The following ATP4A variants were observed in gnomAD, a reference collection of about 807,000 sequenced individuals.
ATP4A encodes ATPase H+/K+ transporting subunit alpha, also known as potassium-transporting ATPase alpha chain 1.
A neutral mutation model predicts 112.1 loss-of-function variants in ATP4A; 73 were observed. The observed-to-expected ratio is 0.65, with a 90% CI of 0.54 to 0.79. The LOEUF (loss-of-function observed/expected upper bound fraction) is 0.79, where lower values mean the gene tolerates loss of function less well. Ranked by LOEUF, ATP4A falls within the 30% of genes least tolerant of loss-of-function variation. ATP4A has a pLI of 0.00. For synonymous variants in ATP4A, 588 were observed against 588.9 expected, an observed-to-expected ratio of 1.00 and a Z score of 0.02; for missense variants, 1,081 against 1,425.9, an observed-to-expected ratio of 0.76 and a Z score of 3.90.
Position 35,558,655 on chromosome 19 carries a change from C to T in ATP4A, c.1287G>A (p.Trp429Ter). The change falls in exon 9 of 22, where the codon TGG (tryptophan) becomes TGA (stop). Residue 429 changes from tryptophan to a stop codon, truncating the protein, a stop_gained. Transcript: ENST00000262623. LOFTEE classifies it high-confidence loss of function. The surrounding 1 kb of genome is among the most constrained non-coding windows in gnomAD (Gnocchi z 5.1). ...GQTFDQSSET[W>*]RALCRVLTLC... ...GGGTGAGCACCCGGCACAGCGCCCG[C>T]CACGTCTCCGAGGACTGGTCAAACG... The T allele has an allele frequency of 6.2e-7, 1 of 1,602,496 alleles. No homozygotes were observed.
At position 35,560,743 on chromosome 19, in the gene ATP4A, G is replaced by T; in HGVS notation, c.534+76C>A. 1 of 1,578,474 alleles carries T rather than the reference G, an allele frequency of 6.3e-7. No individual in the cohort carries two copies. Among genetic ancestry groups the T allele is most frequent in the Non-Finnish European group, 8.7e-7 (1 of 1,148,126 alleles). On this transcript the variant is annotated intron_variant, in intron 5 of 21. Coordinates refer to ENST00000262623, the MANE Select transcript of ATP4A (RefSeq NM_000704.3). The surrounding 1 kb of genome is among the most constrained non-coding windows in gnomAD (Gnocchi z 5.1). ...GATGGAGGCCACAGATGAGGGACAG[G>T]GGCCTGATGGAAGGAGGCTACAGGA...
At position 35,562,705 on chromosome 19, in the gene ATP4A, C is replaced by T. The variant is rs950881262; in HGVS notation, c.217-67G>A. 2.7e-5 allele frequency: 40 copies of T among 1,459,924 alleles called. No homozygotes were observed. In the South Asian group the frequency reaches 4.8e-4, roughly 17 times the overall value. The allele number at this position is 1,459,924 out of a possible 1,614,324, so 90.4% of individuals were successfully genotyped here. A position where few individuals can be genotyped will look rare whatever the true frequency, so the allele number is the denominator to read the frequency against. ...CTCCACATGCACACCCCGTGGAAAGCCCCCTGCTTCAGTTTCCCTTCTCCA... is the reference window on the plus strand; with the variant it reads ...CTCCACATGCACACCCCGTGGAAAGTCCCCTGCTTCAGTTTCCCTTCTCCA... On this transcript the variant is annotated intron_variant, in intron 3 of 21. Transcript: ENST00000262623.
At position 35,550,771 on chromosome 19, in the gene ATP4A, G is replaced by T; in HGVS notation, c.3079+63C>A. ...TAGAGGCCAAGTGTTGAGGATCAAAGGTGGGTGCAGCTGCTCAAACGTTTC... is the reference window on the plus strand; with the variant it reads ...TAGAGGCCAAGTGTTGAGGATCAAATGTGGGTGCAGCTGCTCAAACGTTTC... On this transcript the variant is annotated intron_variant, in intron 21 of 21. Coordinates refer to ENST00000262623, the MANE Select transcript of ATP4A (RefSeq NM_000704.3). This position sits in a 1 kb window ranked among gnomAD's most constrained non-coding sequence, Gnocchi z 4.1. The T allele has an allele frequency of 6.2e-7, 1 of 1,608,996 alleles. No homozygotes were observed. The highest frequency in any genetic ancestry group is 8.5e-7 in the Non-Finnish European group (1 of 1,175,460).
In ATP4A at chr19:35,557,685, T is replaced by A. The variant is rs2071639061; in HGVS notation, c.1663A>T (p.Ser555Cys). 1.2e-6 allele frequency: 2 copies of A among 1,609,552 alleles called. No homozygotes were observed. Among genetic ancestry groups the A allele is most frequent in the South Asian group, 2.2e-5 (2 of 90,348 alleles). The part of the protein sequence containing the change: ...WREAFQTAYL[S>C]LGGLGERVLG... ...ACGCGTTCGCCCAGGCCTCCCAGGC[T>A]GAGGTAGGCGGTCTGGAAGGCCTCG... Residue 555 changes from serine (S) to cysteine (C), a missense_variant, in exon 11 of 22, where the codon AGC (serine) becomes TGC (cysteine). Around this residue, in one of 3 missense-constraint regions of ATP4A, gnomAD observed 850 missense variants for 1,068.2 expected, o/e 0.80. Transcript: ENST00000262623. This position sits in a 1 kb window ranked among gnomAD's most constrained non-coding sequence, Gnocchi z 4.4.
At chr19:35,556,489 A>G (rs2071632219) in intron 12 of ATP4A, among the ~76,000 whole-genome samples, 1 of 152,172 alleles carries the variant, frequency 6.6e-6, no homozygotes, top group African/African-American at 2.4e-5. Context: ...GTAAGCCCAG[A>G]CCTGGCCAAT....
In ATP4A at chr19:35,555,490, G is replaced by T. The variant is rs776225963; in HGVS notation, c.2107C>A (p.Arg703Ser). Residue 703 changes from arginine (R) to serine (S), a missense_variant, in exon 14 of 22, where the codon CGC becomes AGC. Arg to Ser is a moderately radical substitution (Grantham distance 110, BLOSUM62 -1). This residue lies in a region of ATP4A where 850 missense variants were observed against 1,068.2 expected (regional missense o/e 0.80). Coordinates refer to ENST00000262623, the MANE Select transcript of ATP4A (RefSeq NM_000704.3). The surrounding 1 kb of genome is among the most constrained non-coding windows in gnomAD (Gnocchi z 6.6). ...ACCAGCTTCTGCTGGGGGCTGGTGC[G>T]CGCAAACACCATCTCGGGGTGGGTG... ...LRTHPEMVFA[R>S]TSPQQKLVIV... 6.2e-7 allele frequency: 1 copy of T among 1,610,078 alleles called. No individual in the cohort carries two copies.
At chr19:35,561,847 CTT>C (rs71167554) in intron 4 of ATP4A, among the ~76,000 whole-genome samples, 2,477 of 103,698 alleles carry the variant, frequency 0.024, 99 homozygotes, top group East Asian at 0.079. Context: ...AGTCCCATCT[CTT>C]TTTTTTTTTT....
intron 18 of ATP4A, 128 bp downstream of exon 18, chr19:35,552,909 G>T (rs1016916473): frequency 1.6e-5 from 20 of 1,238,246 alleles, no homozygotes; most frequent in Middle Eastern, 2.9e-4. Flanking sequence ...AACTGGCAGG[G>T]AGTCTGGGGG....
Position 35,555,145 on chromosome 19 carries a change from T to A in ATP4A, c.2326+21A>T. On this transcript the variant is annotated intron_variant, in intron 15 of 21. Transcript: ENST00000262623. The surrounding 1 kb of genome is among the most constrained non-coding windows in gnomAD (Gnocchi z 6.6). The stretch of plus-strand genomic sequence containing the variant: ...CCTCCTGTGCCCACACTGCCTGCCC[T>A]CCCCCTGGCGTGGCTCGGACCCTGC... The A allele has an allele frequency of 6.2e-7, 1 of 1,613,838 alleles. No individual in the cohort carries two copies. Among genetic ancestry groups the A allele is most frequent in the Non-Finnish European group, 8.5e-7 (1 of 1,179,912 alleles).
At chr19:35,561,582 C>T (rs965764837) in intron 4 of ATP4A, among the ~76,000 whole-genome samples, 3 of 152,088 alleles carry the variant, frequency 2.0e-5, no homozygotes, top group Non-Finnish European at 4.4e-5. Context: ...ACTTTTCGAG[C>T]CTCTGTCCCA....
Position 35,555,675 on chromosome 19 carries a change from C to T in ATP4A, c.2006+1G>A, listed in dbSNP as rs2071627534. 6.3e-7 allele frequency: 1 copy of T among 1,598,592 alleles called. No individual in the cohort carries two copies. The highest frequency in any genetic ancestry group is 1.1e-5 in the South Asian group (1 of 90,582). On this transcript the variant is annotated splice_donor_variant, in intron 13 of 21. Coordinates refer to ENST00000262623, the MANE Select transcript of ATP4A (RefSeq NM_000704.3). LOFTEE classifies it high-confidence loss of function. The surrounding 1 kb of genome is among the most constrained non-coding windows in gnomAD (Gnocchi z 6.6). ...CCCCGGGGAGGTCTGGGGGGGCTTACTTGCGATTAACCTGGTCTACGGGCA... is the reference window on the plus strand; with the variant it reads ...CCCCGGGGAGGTCTGGGGGGGCTTATTTGCGATTAACCTGGTCTACGGGCA...
chr19:35,562,372 A>G, intron 4 of ATP4A, 63 bp downstream of exon 4: 2 of 1,556,516 alleles, frequency 1.3e-6, no homozygotes, highest in Admixed American at 1.8e-5. Flanking sequence ...CCCAAGTCCC[A>G]GGCTCAGTGT....
rs888118135 is a variant in ATP4A, at chr19:35,557,303, G to C, written c.1694-215C>G. 6.6e-6 allele frequency among the ~76,000 whole-genome samples: 1 copy of C among 152,182 alleles called. No individual in the cohort carries two copies. The highest frequency in any genetic ancestry group is 1.5e-5 in the Non-Finnish European group (1 of 68,028). ...AGATGAGGAAACTGAGGCTCAGAGA[G>C]GGGACATTTCTTGCCAGAGGTCACA... On this transcript the variant is annotated intron_variant, in intron 11 of 21. Coordinates refer to ENST00000262623, the MANE Select transcript of ATP4A (RefSeq NM_000704.3). This position sits in a 1 kb window ranked among gnomAD's most constrained non-coding sequence, Gnocchi z 4.4.
chr19:35,555,101 GCCT>G lies in ATP4A; in HGVS notation c.2327-28_2327-26del. On this transcript the variant is annotated intron_variant, in intron 15 of 21. Transcript: ENST00000262623. This position sits in a 1 kb window ranked among gnomAD's most constrained non-coding sequence, Gnocchi z 6.6. ...CCTGTGGGGTAGGGTGGGCACCTCA[GCCT>G]CCTCACAGCCCTCTCCCTCCTGTGC... The G allele has an allele frequency of 6.2e-7, 1 of 1,613,096 alleles. No individual in the cohort carries two copies. The highest frequency in any genetic ancestry group is 8.5e-7 in the Non-Finnish European group (1 of 1,179,334).
intron 17 of ATP4A, 44 bp downstream of exon 17, chr19:35,553,662 G>T (rs201774608): frequency 2.5e-6 from 4 of 1,606,262 alleles, no homozygotes; most frequent in African/African-American, 2.7e-5. Flanking sequence ...GCAGCCCAGC[G>T]CAGAGCCCCC....
chr19:35,550,919 C>A lies in ATP4A; in HGVS notation c.2994G>T (p.Gln998His). 1 of 1,614,158 alleles carries A rather than the reference C, an allele frequency of 6.2e-7. No homozygotes were observed. Among genetic ancestry groups the A allele is most frequent in the Non-Finnish European group, 8.5e-7 (1 of 1,180,004 alleles). Residue 998 changes from glutamine to histidine, a missense_variant, in exon 21 of 22, where the codon CAG becomes CAT. Coordinates refer to ENST00000262623, the MANE Select transcript of ATP4A (RefSeq NM_000704.3). This position sits in a 1 kb window ranked among gnomAD's most constrained non-coding sequence, Gnocchi z 4.1. ...CGTAGGGCAGGGGGACCAGCCACCACTGGAACCTGAAGGCACATGGCAAGG... is the reference window on the plus strand; with the variant it reads ...CGTAGGGCAGGGGGACCAGCCACCAATGGAACCTGAAGGCACATGGCAAGG... The part of the protein sequence containing the change: ...NIFNFMPIRF[Q>H]WWLVPLPYGI...
chr19:35,561,787 C>T (rs949791544), intron 4 of ATP4A, among the ~76,000 whole-genome samples: 22 of 151,436 alleles, frequency 1.5e-4, no homozygotes, highest in African/African-American at 5.1e-4. Flanking sequence ...GTCTCCTATT[C>T]CCCGTGCCTC....
In ATP4A at chr19:35,557,792, T is replaced by C; in HGVS notation, c.1556A>G (p.Lys519Arg). The change falls in exon 11 of 22, where the codon AAG (lysine) becomes AGG (arginine). Residue 519 changes from lysine to arginine, a missense_variant. Physicochemically the swap from Lys to Arg is conservative, Grantham distance 26 (BLOSUM62 2). Coordinates refer to ENST00000262623, the MANE Select transcript of ATP4A (RefSeq NM_000704.3). This position sits in a 1 kb window ranked among gnomAD's most constrained non-coding sequence, Gnocchi z 4.4. Reference protein sequence around the residue: ...PRDPRHLLVMKGAPERVLERC... With the variant: ...PRDPRHLLVMRGAPERVLERC... ...CTCCAGCACGCGCTCGGGGGCGCCC[T>C]TCATCACCAGCAAGTGTCGCGGGTC... The C allele has an allele frequency of 6.3e-7, 1 of 1,577,434 alleles. No homozygotes were observed. Among genetic ancestry groups the C allele is most frequent in the Non-Finnish European group, 8.7e-7 (1 of 1,155,886 alleles).
In ATP4A at chr19:35,555,587, A is replaced by G; in HGVS notation, c.2010T>C (p.Asp670=). 1 of 1,578,440 alleles carries G rather than the reference A, an allele frequency of 6.3e-7. No individual in the cohort carries two copies. Among genetic ancestry groups the G allele is most frequent in the Non-Finnish European group, 8.6e-7 (1 of 1,156,074 alleles). Residue 670 remains aspartate, a synonymous_variant, in exon 14 of 22, where the codon GAT becomes GAC. Transcript: ENST00000262623. This position sits in a 1 kb window ranked among gnomAD's most constrained non-coding sequence, Gnocchi z 6.6. ...RVPVDQVNRK[D]ARACVINGMQ... is the part of the protein sequence containing the mutation. ...TGCCATTGATCACACAGGCACGGGC[A>G]TCCCTGGGGAGGAGATGGGAGGACC...
Sources: gnomAD v4.1 joint callset for allele counts (sites outside exome capture counted in the v4.1 genomes callset) on GRCh38, gnomAD v4.1.1 for gene constraint, gnomAD v4.1.1 regional missense constraint, Gnocchi (gnomAD v3.1) non-coding constraint, MANE v1.5 for transcripts, NCBI Gene and HGNC (gene_info 2026-07-23, HGNC 2026-07-21) for gene names.